Variants in EYS observed in about 807,000 individuals in gnomAD.
EYS encodes EGF-like photoreceptor maintenance factor.
A neutral mutation model predicts 282.1 loss-of-function variants in EYS; 250 were observed. The ratio of observed to expected loss-of-function variants is 0.89; its 90% CI spans 0.80 to 0.98. The LOEUF is 0.98. EYS is among the 50% of genes least tolerant of loss of function. EYS has a pLI of 0.00. For missense variants in EYS, 4,016 were observed against 3,709.0 expected, an observed-to-expected ratio of 1.08 and a Z score of -2.15; for synonymous variants, 1,355 against 1,282.9, an observed-to-expected ratio of 1.06 and a Z score of -1.20.
chr6:64,250,854 C>T lies in EYS; in HGVS notation c.6192-20030G>A, dbSNP rs758538276. ...TGATATATCTTCCATTATTTTTAGACGTGTTGGCATACTATTTTTCTTTTA... is the reference window on the plus strand; with the variant it reads ...TGATATATCTTCCATTATTTTTAGATGTGTTGGCATACTATTTTTCTTTTA... On this transcript the variant is annotated intron_variant, in intron 30 of 42. Coordinates refer to ENST00000503581, the MANE Select transcript of EYS (RefSeq NM_001142800.2). Among the ~76,000 whole-genome samples, 9 of 152,008 alleles carry T rather than the reference C, an allele frequency of 5.9e-5. No homozygotes were observed. In the East Asian group the frequency reaches 7.7e-4, roughly 13 times the overall value.
At chr6:64,325,268 C>A (rs1198551561) in intron 29 of EYS, among the ~76,000 whole-genome samples, 5 of 152,150 alleles carry the variant, frequency 3.3e-5, no homozygotes, top group Non-Finnish European at 1.5e-5. Context: ...AGACAACCCC[C>A]TGGAGCCGGG....
chr6:65,247,666 T>C (rs142594739), intron 12 of EYS, among the ~76,000 whole-genome samples: 116 of 152,140 alleles, frequency 7.6e-4, no homozygotes, highest in African/African-American at 2.7e-3. Flanking sequence ...CCAGACACCT[T>C]GGCAAATTTG....
chr6:64,598,351 C>T (rs950992012), intron 24 of EYS, among the ~76,000 whole-genome samples: 2 of 152,178 alleles, frequency 1.3e-5, no homozygotes, highest in African/African-American at 4.8e-5. Context: ...GTCCCAGCTA[C>T]TCGGGAGGCT....
intron 29 of EYS, among the ~76,000 whole-genome samples, chr6:64,386,895 C>T (rs188228950): frequency 1.3e-5 from 2 of 152,214 alleles, no homozygotes. Context: ...ACTTTGGTTG[C>T]TATCAGAGTG....
At chr6:64,595,417 G>A (rs983059215) in intron 24 of EYS, among the ~76,000 whole-genome samples, 3 of 152,072 alleles carry the variant, frequency 2.0e-5, no homozygotes, top group Non-Finnish European at 4.4e-5. Flanking sequence ...ATTCACCATT[G>A]TCCCGGAAGT....
intron 31 of EYS, among the ~76,000 whole-genome samples, chr6:64,085,758 T>C (rs1235239720): frequency 1.3e-5 from 2 of 152,238 alleles, no homozygotes. Context: ...ATTATTAAAC[T>C]GCTTTACTTA....
intron 36 of EYS, among the ~76,000 whole-genome samples, chr6:63,859,096 T>G (rs932324782): frequency 3.6e-3 from 431 of 119,272 alleles, no homozygotes; most frequent in Middle Eastern, 0.012. Context: ...TTTTTTTTTT[T>G]TTTTTTTTTT....
chr6:63,884,291 A>C (rs1773208005), intron 35 of EYS, among the ~76,000 whole-genome samples: 1 of 144,892 alleles, frequency 6.9e-6, no homozygotes, highest in Admixed American at 7.1e-5. Context: ...AGCTTCCATC[A>C]AGTAAGTAAA....
intron 2 of EYS, among the ~76,000 whole-genome samples, chr6:65,519,070 A>G (rs1175738691): frequency 1.3e-5 from 2 of 152,160 alleles, no homozygotes; most frequent in Admixed American, 6.5e-5. Context: ...TGTGTGTTCT[A>G]TCAAGCACAT....
At chr6:65,034,111 C>A (rs538389450) in intron 13 of EYS, among the ~76,000 whole-genome samples, 1 of 152,150 alleles carries the variant, frequency 6.6e-6, no homozygotes, top group Admixed American at 6.5e-5. Flanking sequence ...GCCTGTAGCC[C>A]CTTTCTTTTG....
At position 63,727,729 on chromosome 6, in the gene EYS, A is replaced by T. The variant is rs1484161115; in HGVS notation, c.8072-1049T>A. Among the ~76,000 whole-genome samples the T allele has an allele frequency of 8.3e-3, 503 of 60,582 alleles. 20 individuals carry two copies. Among genetic ancestry groups the T allele is most frequent in the African/African-American group, 0.052 (391 of 7,592 alleles). 39.7% of individuals were successfully genotyped at this position (60,582 alleles called of 152,430 possible). On this transcript the variant is annotated intron_variant, in intron 41 of 42. Coordinates refer to ENST00000503581, the MANE Select transcript of EYS (RefSeq NM_001142800.2). ...CTCAAAAAAAAAAAAAAAAAAAAAA[A>T]AAAAAAAAATATATATATATATGTT...
chr6:64,441,683 T>C (rs921996765), intron 26 of EYS, among the ~76,000 whole-genome samples: 2 of 152,182 alleles, frequency 1.3e-5, no homozygotes, highest in African/African-American at 4.8e-5. Flanking sequence ...GTTTTTCCTG[T>C]GCTGTTCTTG....
chr6:64,851,568 C>T (rs1030662755), intron 19 of EYS, among the ~76,000 whole-genome samples: 1 of 151,904 alleles, frequency 6.6e-6, no homozygotes. Context: ...CCTAAATGTC[C>T]ATGAATAATA....
chr6:65,568,825 G>A (rs775159662), intron 2 of EYS, among the ~76,000 whole-genome samples: 4 of 152,064 alleles, frequency 2.6e-5, no homozygotes, highest in Non-Finnish European at 2.9e-5. Flanking sequence ...ACAAATGTAC[G>A]TATAAAAAAC....
chr6:65,317,781 C>CCTTCCTTCCTTCCTTCCTTA (rs1205095460), intron 11 of EYS, among the ~76,000 whole-genome samples: 1 of 19,328 alleles, frequency 5.2e-5, no homozygotes, highest in East Asian at 1.1e-3. Flanking sequence ...ATTTTCTCTT[C>CCTTCCTTCCTTCCTTCCTTA]CTTCCTTCCT....
At chr6:65,291,835 A>T (rs759729113) in intron 12 of EYS, among the ~76,000 whole-genome samples, 1 of 151,624 alleles carries the variant, frequency 6.6e-6, no homozygotes, top group Non-Finnish European at 1.5e-5. Flanking sequence ...TACATCAGAG[A>T]ACTTAAGCCA....
intron 41 of EYS, among the ~76,000 whole-genome samples, chr6:63,734,257 C>T (rs1156859685): frequency 1.3e-5 from 2 of 152,008 alleles, no homozygotes; most frequent in African/African-American, 4.8e-5. Flanking sequence ...TGCACATGTA[C>T]CTCCTGAATC....
intron 33 of EYS, among the ~76,000 whole-genome samples, chr6:64,037,740 A>T (rs530188509): frequency 6.6e-6 from 1 of 152,314 alleles, no homozygotes; most frequent in South Asian, 2.1e-4. Flanking sequence ...TAGCTATTCC[A>T]TCTGTCATTA....
At chr6:65,275,456 G>A (rs1465371659) in intron 12 of EYS, among the ~76,000 whole-genome samples, 1 of 152,194 alleles carries the variant, frequency 6.6e-6, no homozygotes, top group Non-Finnish European at 1.5e-5. Context: ...GAAGGCACAA[G>A]TAAGTTACAT....
Sources: gnomAD v4.1 joint callset for allele counts (sites outside exome capture counted in the v4.1 genomes callset) on GRCh38, gnomAD v4.1.1 for gene constraint, MANE v1.5 for transcripts, NCBI Gene and HGNC (gene_info 2026-07-23, HGNC 2026-07-21) for gene names.